Variants in POLN observed in about 807,000 individuals in gnomAD.
The protein encoded by POLN is DNA polymerase N.
A neutral mutation model predicts 113.5 loss-of-function variants in POLN; 108 were observed. The ratio of observed to expected loss-of-function variants is 0.95; its 90% CI spans 0.81 to 1.12. The LOEUF (loss-of-function observed/expected upper bound fraction) is 1.12, where lower values mean the gene tolerates loss of function less well. POLN is among the 50% of genes most tolerant of loss of function. The pLI is 0.00. For synonymous variants in POLN, 386 were observed against 391.5 expected (o/e 0.99, Z 0.17); for missense variants, 1,097 against 1,077.1 (o/e 1.02, Z -0.26).
At chr4:2,145,771 C>T (rs758755932) in intron 16 of POLN, among the ~76,000 whole-genome samples, 7 of 152,120 alleles carry the variant, frequency 4.6e-5, no homozygotes, top group Non-Finnish European at 8.8e-5. Flanking sequence ...CATGCCCTAT[C>T]GTCAGGCAAT....
chr4:2,154,575 G>C (rs541074469), intron 16 of POLN, among the ~76,000 whole-genome samples: 1 of 152,310 alleles, frequency 6.6e-6, no homozygotes, highest in Non-Finnish European at 1.5e-5. Flanking sequence ...TTTTTGGCGA[G>C]AGGCTAATTT....
chr4:2,107,091 T>C (rs2064869056), intron 19 of POLN, among the ~76,000 whole-genome samples: 1 of 152,130 alleles, frequency 6.6e-6, no homozygotes, highest in Admixed American at 6.5e-5. Flanking sequence ...TATATTATTA[T>C]ATATATTTTC....
chr4:2,079,339 G>T, intron 23 of POLN: 3 of 815,032 alleles, frequency 3.7e-6, no homozygotes, highest in Non-Finnish European at 4.4e-6. Context: ...CCTGGGAGAA[G>T]CTATAATTTA....
intron 23 of POLN, among the ~76,000 whole-genome samples, chr4:2,076,013 C>G (rs1312513348): frequency 1.3e-5 from 2 of 152,182 alleles, no homozygotes; most frequent in Non-Finnish European, 1.5e-5. Context: ...AGGGCTTCTC[C>G]GAGACCTCGC....
intron 15 of POLN, 66 bp downstream of exon 15, chr4:2,157,792 A>T (rs892816945): frequency 1.1e-5 from 10 of 931,550 alleles, no homozygotes; most frequent in Non-Finnish European, 1.6e-5. Context: ...CAAAGGTTCT[A>T]TATGTATCTG....
In POLN at chr4:2,093,832, T is replaced by C. The variant is rs6599404; in HGVS notation, c.2065+2019A>G. Among the ~76,000 whole-genome samples, 11,432 of 152,226 alleles carry C rather than the reference T, an allele frequency of 0.075. 1,438 individuals are homozygous for C. The highest frequency in any genetic ancestry group is 0.26 in the African/African-American group (10,728 of 41,474). ...TAGTCTATTTTCCAAAAACCATGTATACAATCAAAATGTTTTCAAAAGTGG... is the reference window on the plus strand; with the variant it reads ...TAGTCTATTTTCCAAAAACCATGTACACAATCAAAATGTTTTCAAAAGTGG... On this transcript the variant is annotated intron_variant, in intron 20 of 25. Coordinates refer to ENST00000511885, the MANE Select transcript of POLN (RefSeq NM_181808.4). This position sits in a 1 kb window ranked among gnomAD's most constrained non-coding sequence, Gnocchi z 4.1.
chr4:2,216,838 T>C (rs189897075), intron 3 of POLN, among the ~76,000 whole-genome samples: 15 of 152,284 alleles, frequency 9.9e-5, no homozygotes, highest in South Asian at 2.1e-4. Context: ...TGCTGGAAGA[T>C]TGGATGTTCT....
Position 2,072,000 on chromosome 4 carries a change from C to T in POLN, c.*114G>A, listed in dbSNP as rs1188388005. The T allele has an allele frequency of 2.4e-6, 3 of 1,226,134 alleles. No homozygotes were observed. The highest frequency in any genetic ancestry group is 3.6e-6 in the Non-Finnish European group (3 of 828,842). 76.0% of individuals were successfully genotyped at this position (1,226,134 alleles called of 1,614,324 possible). On this transcript the variant is annotated 3_prime_UTR_variant, in exon 26 of 26. Transcript: ENST00000511885. The surrounding 1 kb of genome is among the most constrained non-coding windows in gnomAD (Gnocchi z 5.2). ...GCATTTACTCCAGGGGATGGCGGGC[C>T]ACCCCAGCCCCAAAGGGTTAATGCG...
intron 19 of POLN, among the ~76,000 whole-genome samples, chr4:2,122,648 G>A (rs756948974): frequency 1.3e-5 from 2 of 152,198 alleles, no homozygotes; most frequent in African/African-American, 4.8e-5. Flanking sequence ...GTAAAATGGT[G>A]CAGCATTTTT....
chr4:2,112,435 A>G (rs2108712492), intron 19 of POLN, among the ~76,000 whole-genome samples: 1 of 152,196 alleles, frequency 6.6e-6, no homozygotes, highest in Middle Eastern at 3.4e-3. Context: ...AACCACCATC[A>G]GAGTGAACAG....
chr4:2,167,370 G>A (rs1290125500), intron 13 of POLN, among the ~76,000 whole-genome samples: 1 of 152,096 alleles, frequency 6.6e-6, no homozygotes, highest in Non-Finnish European at 1.5e-5. Context: ...CCTTCAGTTC[G>A]TTAGGGAGGG....
intron 4 of POLN, among the ~76,000 whole-genome samples, chr4:2,210,269 CTCTG>C (rs1472269041): frequency 2.0e-5 from 3 of 151,734 alleles, no homozygotes; most frequent in African/African-American, 4.8e-5. Context: ...GAAGATCTTA[CTCTG>C]TCTTTTTTAA....
intron 23 of POLN, chr4:2,077,197 C>T (rs1198734171): frequency 2.6e-5 from 4 of 152,438 alleles, no homozygotes; most frequent in South Asian, 4.1e-4. Context: ...CATCACAGCA[C>T]CAGGAGGGAA....
chr4:2,085,404 C>A (rs1207196166), intron 21 of POLN, among the ~76,000 whole-genome samples: 5 of 152,176 alleles, frequency 3.3e-5, no homozygotes, highest in Non-Finnish European at 7.3e-5. Context: ...CAAGTTTGTT[C>A]ACTGTGTTGC....
rs567928053 is a variant in POLN, at chr4:2,168,059, G to T, written c.1554+2620C>A. On this transcript the variant is annotated intron_variant, in intron 13 of 25. Transcript: ENST00000511885. ...TCAAACAATGAGAAAAAAATAATAC[G>T]TCTCAAAACTTGAAGGGTTCATTAG... Among the ~76,000 whole-genome samples the T allele has an allele frequency of 4.7e-4, 72 of 152,184 alleles. No individual in the cohort carries two copies. The South Asian group carries it at 5.8e-3, about 12-fold the overall frequency.
In POLN at chr4:2,088,480, A is replaced by G. The variant is rs539099220; in HGVS notation, c.2066-2736T>C. Among the ~76,000 whole-genome samples, 17 of 152,356 alleles carry G rather than the reference A, an allele frequency of 1.1e-4. No homozygotes were observed. In the East Asian group the frequency reaches 1.9e-3, roughly 17 times the overall value. On this transcript the variant is annotated intron_variant, in intron 20 of 25. Coordinates refer to ENST00000511885, the MANE Select transcript of POLN (RefSeq NM_181808.4). The stretch of plus-strand genomic sequence containing the variant: ...TTCACAACATCCAGTTTCCATATCC[A>G]CTTTGTAAACATATACTCAGTATAG...
intron 19 of POLN, among the ~76,000 whole-genome samples, chr4:2,097,778 G>A (rs1033686185): frequency 6.6e-6 from 1 of 152,166 alleles, no homozygotes; most frequent in Non-Finnish European, 1.5e-5. Context: ...TTGAAAAGCT[G>A]GGATTACAAG....
intron 3 of POLN, among the ~76,000 whole-genome samples, chr4:2,225,458 G>T (rs996729400): frequency 2.6e-5 from 4 of 151,862 alleles, no homozygotes; most frequent in Non-Finnish European, 5.9e-5. Context: ...AGGAGGCTGT[G>T]GCAGGAGAAT....
rs113608752 is a variant in POLN at position 2,206,986 on chromosome 4, G to A, written c.714+1001C>T. On this transcript the variant is annotated intron_variant, in intron 5 of 25. Coordinates refer to ENST00000511885, the MANE Select transcript of POLN (RefSeq NM_181808.4). ...CAGCACAATTTGCAATTGCAAAAAC[G>A]TGGAACCAACCCAAATGCCCATCAA... Among the ~76,000 whole-genome samples the A allele has an allele frequency of 4.4e-3, 672 of 152,278 alleles. 7 individuals are homozygous for A. Among genetic ancestry groups the A allele is most frequent in the African/African-American group, 0.016 (647 of 41,560 alleles).
Sources: allele counts gnomAD v4.1 joint callset (sites outside exome capture counted in the v4.1 genomes callset), GRCh38; gene constraint gnomAD v4.1.1; non-coding constraint Gnocchi (gnomAD v3.1); transcripts MANE v1.5; gene names NCBI Gene and HGNC (gene_info 2026-07-23, HGNC 2026-07-21).